Variants in RPH3A observed in about 807,000 individuals in gnomAD.
RPH3A encodes the protein rabphilin-3A.
Under a neutral mutation model 102.2 loss-of-function variants are expected in RPH3A, and 48 were observed. The observed-to-expected ratio is 0.47, with a 90% CI of 0.37 to 0.60. RPH3A has a LOEUF of 0.60. Ranked by LOEUF, RPH3A falls within the 20% of genes least tolerant of loss-of-function variation. The pLI, the probability that RPH3A is intolerant of heterozygous loss-of-function variation, is 0.00. For synonymous variants in RPH3A, 310 were observed against 324.3 expected, an observed-to-expected ratio of 0.96 and a Z score of 0.47; for missense variants, 781 against 910.1, an observed-to-expected ratio of 0.86 and a Z score of 1.83.
intron 1 of RPH3A, among the ~76,000 whole-genome samples, chr12:112,611,829 G>GAAA (rs201427425): frequency 2.1e-5 from 3 of 141,996 alleles, no homozygotes; most frequent in Non-Finnish European, 4.7e-5. Flanking sequence ...TAGCCAGCAA[G>GAAA]AAAAAAAAAA....
intron 16 of RPH3A, among the ~76,000 whole-genome samples, chr12:112,887,094 A>G (rs2043013725): frequency 6.6e-6 from 1 of 152,160 alleles, no homozygotes; most frequent in African/African-American, 2.4e-5. Flanking sequence ...AACTGTTTTG[A>G]AGTTTCTACT....
At chr12:112,627,073 G>T (rs963871140) in intron 1 of RPH3A, among the ~76,000 whole-genome samples, 195 of 112,576 alleles carry the variant, frequency 1.7e-3, no homozygotes, top group African/African-American at 5.7e-3. Context: ...GTGGGGGGAG[G>T]GGGGAGGGAT....
At position 112,709,857 on chromosome 12, in the gene RPH3A, CAGAGG is replaced by C. The variant is rs2040448358; in HGVS notation, c.-139-82283_-139-82279del. Among the ~76,000 whole-genome samples the C allele has an allele frequency of 3.3e-5, 5 of 152,290 alleles. No individual in the cohort carries two copies. In the South Asian group the frequency reaches 1.0e-3, roughly 32 times the overall value. On this transcript the variant is annotated intron_variant, in intron 1 of 21. Transcript: ENST00000543106. Reference sequence around the variant, plus strand: ...GGGCGCTGATTATCCCCCCACTTTACAGAGGAGGAAAGTGAGGCTCAGACATGTTT... The same window carrying C: ...GGGCGCTGATTATCCCCCCACTTTACAGGAAAGTGAGGCTCAGACATGTTT...
chr12:112,712,886 TTCTTCTTCTTCTTCTTCCTC>T, intron 1 of RPH3A, among the ~76,000 whole-genome samples: 1 of 138,388 alleles, frequency 7.2e-6, no homozygotes, highest in Admixed American at 7.5e-5. Flanking sequence ...TTTTTTCTTC[TTCTTCTTCTTCTTCTTCCTC>T]TTCTTCTTCT....
chr12:112,645,966 T>A (rs1367246443), intron 1 of RPH3A, among the ~76,000 whole-genome samples: 3 of 152,194 alleles, frequency 2.0e-5, no homozygotes, highest in African/African-American at 7.2e-5. Context: ...ATTTTCATAT[T>A]GTTTTGAGCT....
At chr12:112,740,755 T>A (rs1014244447) in intron 1 of RPH3A, among the ~76,000 whole-genome samples, 5 of 152,204 alleles carry the variant, frequency 3.3e-5, no homozygotes, top group Non-Finnish European at 7.3e-5. Context: ...CAGCAGCAAT[T>A]CAGGCGCGGA....
chr12:112,618,253 G>C (rs1160852317), intron 1 of RPH3A, among the ~76,000 whole-genome samples: 2 of 152,044 alleles, frequency 1.3e-5, no homozygotes, highest in African/African-American at 2.4e-5. Context: ...CCTTGGCCTT[G>C]TCACTGCAGG....
chr12:112,807,911 T>A (rs542039502), intron 2 of RPH3A, among the ~76,000 whole-genome samples: 5 of 152,328 alleles, frequency 3.3e-5, no homozygotes, highest in Admixed American at 3.3e-4. Flanking sequence ...TTATTTACTT[T>A]GTCCATCATC....
chr12:112,728,204 A>G (rs1254161577), intron 1 of RPH3A, among the ~76,000 whole-genome samples: 1 of 152,166 alleles, frequency 6.6e-6, no homozygotes, highest in Non-Finnish European at 1.5e-5. Context: ...AAAGTGGCAA[A>G]TCATGGAAGC....
intron 2 of RPH3A, among the ~76,000 whole-genome samples, chr12:112,804,589 G>C (rs1287264492): frequency 1.3e-5 from 2 of 152,220 alleles, no homozygotes; most frequent in Non-Finnish European, 2.9e-5. Flanking sequence ...GCTGGTGATA[G>C]AGCACAACAG....
chr12:112,771,467 TG>T (rs2040927186), intron 1 of RPH3A, among the ~76,000 whole-genome samples: 1 of 152,242 alleles, frequency 6.6e-6, no homozygotes, highest in South Asian at 2.1e-4. Context: ...CCCCTTTAGA[TG>T]GACATTTATA....
intron 19 of RPH3A, chr12:112,894,120 T>A: frequency 1.8e-4 from 31 of 176,550 alleles, no homozygotes; most frequent in South Asian, 3.0e-4. Flanking sequence ...ATCTTCCCCT[T>A]TCTGTGCATA....
intron 11 of RPH3A, 127 bp downstream of exon 11, chr12:112,875,297 C>G (rs1256883556): frequency 1.4e-6 from 1 of 725,790 alleles, no homozygotes; most frequent in Non-Finnish European, 2.2e-6. Flanking sequence ...AAATCTTAAC[C>G]TCTTCTAAGA....
intron 1 of RPH3A, among the ~76,000 whole-genome samples, chr12:112,755,800 G>A (rs1005769221): frequency 6.6e-6 from 1 of 152,120 alleles, no homozygotes; most frequent in Non-Finnish European, 1.5e-5. Context: ...TCAGATCTAT[G>A]AGCATGAGAA....
At chr12:112,818,013 A>G (rs973384271) in intron 2 of RPH3A, among the ~76,000 whole-genome samples, 6 of 152,194 alleles carry the variant, frequency 3.9e-5, no homozygotes, top group African/African-American at 1.4e-4. Flanking sequence ...TTGACTTCTC[A>G]ACTTAAGAAG....
intron 1 of RPH3A, among the ~76,000 whole-genome samples, chr12:112,627,190 C>T (rs1303596415): frequency 1.3e-5 from 2 of 149,340 alleles, no homozygotes; most frequent in African/African-American, 4.9e-5. Context: ...GCACATGTAC[C>T]CTAAAACTTA....
At chr12:112,741,562 A>C (rs1426185834) in intron 1 of RPH3A, among the ~76,000 whole-genome samples, 1 of 152,174 alleles carries the variant, frequency 6.6e-6, no homozygotes, top group African/African-American at 2.4e-5. Context: ...GTCTCACTCC[A>C]AAGCATCAAA....
chr12:112,806,736 A>G (rs1429129385), intron 2 of RPH3A, among the ~76,000 whole-genome samples: 1 of 152,150 alleles, frequency 6.6e-6, no homozygotes, highest in African/African-American at 2.4e-5. Context: ...AGTATGTGAT[A>G]TGCACTGTGC....
chr12:112,729,801 T>C (rs1792620254), intron 1 of RPH3A, among the ~76,000 whole-genome samples: 1 of 152,244 alleles, frequency 6.6e-6, no homozygotes, highest in African/African-American at 2.4e-5. Flanking sequence ...TTAGCCTTTC[T>C]GTGTGTTATA....
Sources: allele counts gnomAD v4.1 joint callset (sites outside exome capture counted in the v4.1 genomes callset), GRCh38; gene constraint gnomAD v4.1.1; transcripts MANE v1.5; gene names NCBI Gene and HGNC (gene_info 2026-07-23, HGNC 2026-07-21).